AP3S2: variants seen among roughly 807,000 people sequenced by gnomAD.
The protein encoded by AP3S2 is adaptor related protein complex 3 subunit sigma 2.
In AP3S2, 22 loss-of-function variants were observed where a neutral mutation model predicts 23.4. The ratio of observed to expected loss-of-function variants is 0.94; its 90% confidence interval spans 0.67 to 1.34. The LOEUF (loss-of-function observed/expected upper bound fraction) is 1.34, where lower values mean the gene tolerates loss of function less well. Among genes scored for constraint, AP3S2 ranks in the 40% most tolerant of loss-of-function variants. The pLI is 0.00. For synonymous variants in AP3S2, 86 were observed against 87.1 expected, an observed-to-expected ratio of 0.99 and a Z score of 0.07; for missense variants, 241 against 236.9, an observed-to-expected ratio of 1.02 and a Z score of -0.11.
chr15:89,839,747 G>T (rs999514469), intron 4 of AP3S2, among the ~76,000 whole-genome samples: 11 of 152,182 alleles, frequency 7.2e-5, no homozygotes, highest in African/African-American at 1.7e-4. Flanking sequence ...ACAGCCAAAA[G>T]GTGGAAGCAG....
In AP3S2 at chr15:89,871,929, C is replaced by T. The variant is rs186445206; in HGVS notation, c.274-383G>A. 5.9e-5 allele frequency among the ~76,000 whole-genome samples: 9 copies of T among 151,972 alleles called. No individual in the cohort carries two copies. The South Asian group carries it at 1.5e-3, about 25-fold the overall frequency. ...CTCACGACCAGCCTTGCTAACAAGA[C>T]GAAAACCCATCTCTACTAAAAATAC... On this transcript the variant is annotated intron_variant, in intron 3 of 5. Coordinates refer to ENST00000336418, the MANE Select transcript of AP3S2 (RefSeq NM_005829.5).
intron 4 of AP3S2, among the ~76,000 whole-genome samples, chr15:89,851,776 T>C (rs553398807): frequency 6.6e-6 from 1 of 150,604 alleles, no homozygotes; most frequent in African/African-American, 2.4e-5. Flanking sequence ...CAGTTCCTAT[T>C]ATGAGTCAGG....
intron 3 of AP3S2, among the ~76,000 whole-genome samples, chr15:89,879,817 A>G (rs1372666707): frequency 6.6e-6 from 1 of 152,052 alleles, no homozygotes; most frequent in African/African-American, 2.4e-5. Context: ...CATGTTGGCC[A>G]GGCTGGTCTT....
At chr15:89,876,236 T>C (rs1193497553) in intron 3 of AP3S2, among the ~76,000 whole-genome samples, 1 of 151,978 alleles carries the variant, frequency 6.6e-6, no homozygotes, top group Admixed American at 6.6e-5. Context: ...CTGGCCAACA[T>C]GGCAAAACCC....
chr15:89,890,631 C>T (rs1385944762), intron 1 of AP3S2, among the ~76,000 whole-genome samples: 4 of 152,076 alleles, frequency 2.6e-5, no homozygotes, highest in Non-Finnish European at 5.9e-5. Context: ...TAGTAAGCAC[C>T]CAGGCAATAA....
Position 89,874,794 on chromosome 15 carries a change from AAAAAT to A in AP3S2, c.274-3253_274-3249del, listed in dbSNP as rs535254833. 2.1e-3 allele frequency among the ~76,000 whole-genome samples: 326 copies of A among 152,312 alleles called. 3 individuals carry two copies. Among genetic ancestry groups the A allele is most frequent in the Admixed American group, 0.02 (310 of 15,288 alleles). On this transcript the variant is annotated intron_variant, in intron 3 of 5. Transcript: ENST00000336418. ...AAGACCTTGTCTCTAAATAAATTTT[AAAAAT>A]AAAATAAAAGTATAATTCTAAGATG...
chr15:89,835,991 G>A (rs1017813667), intron 5 of AP3S2, among the ~76,000 whole-genome samples: 1 of 151,946 alleles, frequency 6.6e-6, no homozygotes, highest in South Asian at 2.1e-4. Flanking sequence ...TCACGCCACT[G>A]CACTCCAACC....
chr15:89,857,009 C>T (rs1349438622), intron 4 of AP3S2, among the ~76,000 whole-genome samples: 1 of 152,164 alleles, frequency 6.6e-6, no homozygotes, highest in Non-Finnish European at 1.5e-5. Context: ...CATACTGACA[C>T]TATTCCAAAG....
chr15:89,855,536 TAA>T lies in AP3S2; in HGVS notation c.345+15937_345+15938del, dbSNP rs199883528. On this transcript the variant is annotated intron_variant, in intron 4 of 5. Transcript: ENST00000336418. ...AAGAATTATCAATAAAAGAATAAAT[TAA>T]AAAAAAAAAAAAAGAATGGACTTTC... Among the ~76,000 whole-genome samples the T allele has an allele frequency of 2.7e-3, 365 of 136,360 alleles. 1 individual carries two copies. Among genetic ancestry groups the T allele is most frequent in the African/African-American group, 8.5e-3 (309 of 36,344 alleles). 89.5% of individuals were successfully genotyped at this position (136,360 alleles called of 152,430 possible).
At chr15:89,844,666 C>T (rs1361015445) in intron 4 of AP3S2, among the ~76,000 whole-genome samples, 1 of 151,930 alleles carries the variant, frequency 6.6e-6, no homozygotes, top group Non-Finnish European at 1.5e-5. Flanking sequence ...ATCTCTTCTG[C>T]TGATTAGAGT....
At chr15:89,875,247 G>A (rs1214968530) in intron 3 of AP3S2, among the ~76,000 whole-genome samples, 1 of 152,186 alleles carries the variant, frequency 6.6e-6, no homozygotes, top group Non-Finnish European at 1.5e-5. Context: ...CATCCCAAAA[G>A]GCTGTTTTCA....
At position 89,877,772 on chromosome 15, in the gene AP3S2, G is replaced by T. The variant is rs573757553; in HGVS notation, c.274-6226C>A. On this transcript the variant is annotated intron_variant, in intron 3 of 5. Coordinates refer to ENST00000336418, the MANE Select transcript of AP3S2 (RefSeq NM_005829.5). ...ATCATGCCACTGTACTCCAGTCTGG[G>T]CAACAGAGTGAGACTCTGTCTCAAA... Among the ~76,000 whole-genome samples the T allele has an allele frequency of 7.2e-5, 11 of 151,944 alleles. 1 individual carries two copies. Among genetic ancestry groups the T allele is most frequent in the Middle Eastern group, 3.4e-3 (1 of 294 alleles).
At chr15:89,889,200 T>C in intron 1 of AP3S2, 60 bp from the exon 2 acceptor site, 1 of 1,572,880 alleles carries the variant, frequency 6.4e-7, no homozygotes, top group South Asian at 1.1e-5. Context: ...ATCCCATCCA[T>C]GGGGATGGAC....
chr15:89,888,578 G>C lies in AP3S2; in HGVS notation c.216C>G (p.Tyr72Ter), dbSNP rs1219621897. ...CTGAGGAATCCACACAAAATACAAA[G>C]TAGAGGGTAGCATAGTGCCGGTAGA... ...KLIYRHYATL[Y>*]FVFCVDSSES... The change falls in exon 3 of 6, where the codon TAC becomes TAG. Residue 72 changes from tyrosine (Y) to a stop codon, truncating the protein, a stop_gained. Coordinates refer to ENST00000336418, the MANE Select transcript of AP3S2 (RefSeq NM_005829.5). LOFTEE classifies it high-confidence loss of function. 6.2e-7 allele frequency: 1 copy of C among 1,614,210 alleles called. No individual in the cohort carries two copies. The highest frequency in any genetic ancestry group is 1.3e-5 in the African/African-American group (1 of 75,062).
At position 89,833,397 on chromosome 15, in the gene AP3S2, A is replaced by AGGACAGT. The variant is rs1895121588; in HGVS notation, c.*2111_*2117dup. On this transcript the variant is annotated 3_prime_UTR_variant, in exon 6 of 6. Transcript: ENST00000336418. ...CCATCTTAAGCAGCGAGGAAAGAAA[A>AGGACAGT]GGACAGTGGAGTCAAGTGAACAGTC... The AGGACAGT allele has an allele frequency of 6.6e-6, 1 of 152,226 alleles. No individual in the cohort carries two copies. The highest frequency in any genetic ancestry group is 2.1e-4 in the South Asian group (1 of 4,836). The allele number at this position is 152,226 out of a possible 1,614,324, so 9.4% of individuals were successfully genotyped here. A position where few individuals can be genotyped will look rare whatever the true frequency, so the allele number is the denominator to read the frequency against.
chr15:89,831,547 TG>T lies in AP3S2; in HGVS notation c.*3967del, dbSNP rs1895077326. ...TTGCTGCATCCTATTTGGAAAGCAATGGACAGACAGCCACGCTGAAAGCCCT... is the reference window on the plus strand; with the variant it reads ...TTGCTGCATCCTATTTGGAAAGCAATGACAGACAGCCACGCTGAAAGCCCT... On this transcript the variant is annotated 3_prime_UTR_variant, in exon 6 of 6. Transcript: ENST00000336418. 1 of 152,272 alleles carries T rather than the reference TG, an allele frequency of 6.6e-6. No homozygotes were observed. Among genetic ancestry groups the T allele is most frequent in the South Asian group, 2.1e-4 (1 of 4,828 alleles). 9.4% of individuals were successfully genotyped at this position (152,272 alleles called of 1,614,324 possible). A position where few individuals can be genotyped will look rare whatever the true frequency, so the allele number is the denominator to read the frequency against.
intron 1 of AP3S2, chr15:89,893,618 A>ATAAT: frequency 2.0e-6 from 1 of 506,414 alleles, no homozygotes; most frequent in Non-Finnish European, 3.5e-6. Flanking sequence ...TCGTTCCCAG[A>ATAAT]GACCCACGGG....
chr15:89,836,397 C>T (rs1030530095), intron 5 of AP3S2, among the ~76,000 whole-genome samples: 3 of 152,150 alleles, frequency 2.0e-5, no homozygotes, highest in South Asian at 2.1e-4. Flanking sequence ...CGTGCAAAGT[C>T]ACCGGGAAGT....
chr15:89,863,604 G>A (rs1311932850), intron 4 of AP3S2, among the ~76,000 whole-genome samples: 1 of 152,150 alleles, frequency 6.6e-6, no homozygotes, highest in African/African-American at 2.4e-5. Context: ...CAACTTAGGA[G>A]GTTAAACAAG....
Sources: gnomAD v4.1 joint callset for allele counts (sites outside exome capture counted in the v4.1 genomes callset) on GRCh38, gnomAD v4.1.1 for gene constraint, MANE v1.5 for transcripts, NCBI Gene and HGNC (gene_info 2026-07-23, HGNC 2026-07-21) for gene names.